UNC5D: variants seen among roughly 807,000 people sequenced by gnomAD.
UNC5D encodes unc-5 netrin receptor D, also known as netrin receptor UNC5D.
A neutral mutation model predicts 105.4 loss-of-function variants in UNC5D; 39 were observed. The observed-to-expected ratio is 0.37, with a 90% confidence interval of 0.29 to 0.48. The LOEUF (loss-of-function observed/expected upper bound fraction) is 0.48, where lower values mean the gene tolerates loss of function less well. Among genes scored for constraint, UNC5D ranks in the 20% least tolerant of loss-of-function variants. The probability of loss-of-function intolerance (pLI) is 0.98; values close to 1 mark genes in which losing one functional copy is unlikely to be tolerated. For missense variants in UNC5D, 991 were observed against 1,202.4 expected (o/e 0.82, Z 2.60); for synonymous variants, 452 against 450.4 (o/e 1.00, Z -0.04).
chr8:35,292,560 C>T (rs1298485946), intron 1 of UNC5D, among the ~76,000 whole-genome samples: 1 of 152,026 alleles, frequency 6.6e-6, no homozygotes, highest in Admixed American at 6.6e-5. Flanking sequence ...GAATACTGAC[C>T]CACAGTGGAG....
intron 4 of UNC5D, among the ~76,000 whole-genome samples, chr8:35,628,591 T>A (rs758091639): frequency 2.6e-5 from 4 of 152,230 alleles, no homozygotes; most frequent in African/African-American, 7.2e-5. Context: ...CTTTTCTTAG[T>A]ATTGAAACTT....
At chr8:35,327,168 C>G (rs1207372923) in intron 1 of UNC5D, among the ~76,000 whole-genome samples, 1 of 152,188 alleles carries the variant, frequency 6.6e-6, no homozygotes, top group Non-Finnish European at 1.5e-5. Flanking sequence ...CCACTGAGTT[C>G]TGCAACATAT....
intron 4 of UNC5D, among the ~76,000 whole-genome samples, chr8:35,682,320 G>A (rs1289393773): frequency 2.0e-5 from 3 of 152,306 alleles, no homozygotes; most frequent in South Asian, 2.1e-4. Flanking sequence ...GCAATGAAAT[G>A]AAGTATCTTA....
intron 1 of UNC5D, among the ~76,000 whole-genome samples, chr8:35,546,757 ATG>A (rs1815714293): frequency 6.6e-6 from 1 of 152,318 alleles, no homozygotes; most frequent in Admixed American, 6.5e-5. Context: ...ACAAATTAAT[ATG>A]TGATTTATTT....
At chr8:35,505,320 A>G (rs1199530326) in intron 1 of UNC5D, among the ~76,000 whole-genome samples, 5 of 152,350 alleles carry the variant, frequency 3.3e-5, no homozygotes, top group Non-Finnish European at 7.3e-5. Context: ...AAATTATGGG[A>G]TTACTTTGGA....
Position 35,412,293 on chromosome 8 carries a change from G to A in UNC5D, c.104-136999G>A, listed in dbSNP as rs574989004. Among the ~76,000 whole-genome samples the A allele has an allele frequency of 2.6e-5, 4 of 152,110 alleles. No homozygotes were observed. The East Asian group carries it at 5.8e-4, about 22-fold the overall frequency. On this transcript the variant is annotated intron_variant, in intron 1 of 16. Transcript: ENST00000404895. ...TCACTGACAGTAATGGGGAGAAAAT[G>A]TTCTTCTTAGATTGGTGGTATTGGC...
intron 3 of UNC5D, among the ~76,000 whole-genome samples, chr8:35,592,740 A>G (rs187125605): frequency 6.6e-6 from 1 of 152,224 alleles, no homozygotes; most frequent in Admixed American, 6.5e-5. Context: ...TCTGATCATT[A>G]CAGCTCCCTA....
At chr8:35,655,924 A>C (rs993805075) in intron 4 of UNC5D, among the ~76,000 whole-genome samples, 1 of 152,230 alleles carries the variant, frequency 6.6e-6, no homozygotes, top group Non-Finnish European at 1.5e-5. Flanking sequence ...TTAGTCATGT[A>C]CTTATATAAA....
At chr8:35,276,691 G>C (rs1199370747) in intron 1 of UNC5D, among the ~76,000 whole-genome samples, 1 of 152,134 alleles carries the variant, frequency 6.6e-6, no homozygotes, top group African/African-American at 2.4e-5. Context: ...ATGATATAGT[G>C]TGGCAGACCA....
In UNC5D at chr8:35,722,598, G is replaced by A. The variant is rs183402201; in HGVS notation, c.1303+203G>A. Among the ~76,000 whole-genome samples, 55 of 152,214 alleles carry A rather than the reference G, an allele frequency of 3.6e-4. No homozygotes were observed. In the East Asian group the frequency reaches 8.1e-3, roughly 22 times the overall value. ...TCTGCCACAGGGACAAGAGGATCTC[G>A]GTTTATTATCAGCAACATTTTCAAT... On this transcript the variant is annotated intron_variant, in intron 9 of 16. Coordinates refer to ENST00000404895, the MANE Select transcript of UNC5D (RefSeq NM_080872.4).
intron 1 of UNC5D, among the ~76,000 whole-genome samples, chr8:35,391,589 C>A (rs1293477668): frequency 6.6e-6 from 1 of 152,060 alleles, no homozygotes; most frequent in Non-Finnish European, 1.5e-5. Context: ...TGTGTGTGAC[C>A]AACACGCTAA....
intron 1 of UNC5D, among the ~76,000 whole-genome samples, chr8:35,542,588 G>T (rs1474619707): frequency 6.6e-6 from 1 of 152,216 alleles, no homozygotes; most frequent in African/African-American, 2.4e-5. Flanking sequence ...GAAACCCATT[G>T]TCTATTAGCC....
intron 1 of UNC5D, among the ~76,000 whole-genome samples, chr8:35,524,670 G>GA (rs1395151983): frequency 8.7e-5 from 12 of 138,314 alleles, no homozygotes; most frequent in South Asian, 6.9e-4. Context: ...AAAGAAAAAA[G>GA]AAAAAAAAAG....
intron 1 of UNC5D, among the ~76,000 whole-genome samples, chr8:35,351,227 C>A (rs775091226): frequency 1.3e-5 from 2 of 151,784 alleles, no homozygotes; most frequent in Non-Finnish European, 2.9e-5. Context: ...ACTTTTTTTT[C>A]CCCCAAAATA....
chr8:35,364,899 C>G (rs1018244764), intron 1 of UNC5D, among the ~76,000 whole-genome samples: 2 of 152,130 alleles, frequency 1.3e-5, no homozygotes, highest in African/African-American at 4.8e-5. Context: ...AACCCATACC[C>G]CTGTGAAAGA....
At chr8:35,715,348 T>C (rs1281519491) in intron 8 of UNC5D, among the ~76,000 whole-genome samples, 2 of 152,186 alleles carry the variant, frequency 1.3e-5, no homozygotes, top group African/African-American at 4.8e-5. Context: ...CAAGGTACTA[T>C]CAATAGTTAC....
intron 15 of UNC5D, among the ~76,000 whole-genome samples, chr8:35,772,436 T>C (rs770262146): frequency 6.6e-6 from 1 of 152,232 alleles, no homozygotes; most frequent in Non-Finnish European, 1.5e-5. Context: ...TTTATACTTA[T>C]GTGAGCCCGG....
chr8:35,266,051 G>A (rs891914936), intron 1 of UNC5D, among the ~76,000 whole-genome samples: 2 of 151,998 alleles, frequency 1.3e-5, no homozygotes, highest in African/African-American at 4.8e-5. Flanking sequence ...CTGACTGTAT[G>A]TGTTTAACTT....
At chr8:35,495,841 C>G (rs1258059842) in intron 1 of UNC5D, among the ~76,000 whole-genome samples, 1 of 152,118 alleles carries the variant, frequency 6.6e-6, no homozygotes, top group Admixed American at 6.6e-5. Flanking sequence ...GTGTTAATAT[C>G]TAACCACTAC....
Sources: allele counts gnomAD v4.1 joint callset (sites outside exome capture counted in the v4.1 genomes callset), GRCh38; gene constraint gnomAD v4.1.1; transcripts MANE v1.5; gene names NCBI Gene and HGNC (gene_info 2026-07-23, HGNC 2026-07-21).